Variants in SDC1 observed in about 807,000 individuals in gnomAD.
SDC1 encodes syndecan-1.
SDC1 carries 14 observed loss-of-function variants against 29.7 expected under a neutral mutation model. The observed-to-expected ratio is 0.47, with a 90% CI of 0.31 to 0.74. The LOEUF (loss-of-function observed/expected upper bound fraction) is 0.74, where lower values mean the gene tolerates loss of function less well. Ranked by LOEUF, SDC1 falls within the 30% of genes least tolerant of loss-of-function variation. The probability of loss-of-function intolerance (pLI) is 0.05; values close to 1 mark genes in which losing one functional copy is unlikely to be tolerated. For missense variants in SDC1, 406 were observed against 400.3 expected (o/e 1.01, Z -0.12); for synonymous variants, 204 against 175.5 (o/e 1.16, Z -1.29).
chr2:20,223,418 C>T (rs1417170141), intron 1 of SDC1: 1 of 545,504 alleles, frequency 1.8e-6, no homozygotes, highest in African/African-American at 2.0e-5. Flanking sequence ...CCCGCCCCCG[C>T]CCCTTCCCTG....
chr2:20,224,786 CGCCGGCCGCACTCACCGGCAGG>C lies in SDC1; in HGVS notation c.60_66+15del. 1 of 1,306,366 alleles carries C rather than the reference CGCCGGCCGCACTCACCGGCAGG, an allele frequency of 7.7e-7. No individual in the cohort carries two copies. The highest frequency in any genetic ancestry group is 9.7e-7 in the Non-Finnish European group (1 of 1,026,956). 80.9% of individuals were successfully genotyped at this position (1,306,366 alleles called of 1,614,324 possible). ...GCTTCCCGCCGCCTCCCCGCCTGGC[CGCCGGCCGCACTCACCGGCAGG>C]GCCGGCTGCAGGCTCAGCGCCAGCG... On this transcript the variant is annotated splice_donor_variant and splice_donor_5th_base_variant and coding_sequence_variant and intron_variant, in exon 1 of 5. Coordinates refer to ENST00000254351, the MANE Select transcript of SDC1 (RefSeq NM_002997.5). LOFTEE classifies it high-confidence loss of function. The surrounding 1 kb of genome is among the most constrained non-coding windows in gnomAD (Gnocchi z 4.9).
intron 2 of SDC1, among the ~76,000 whole-genome samples, chr2:20,204,625 C>T (rs1677191812): frequency 6.6e-6 from 1 of 152,036 alleles, no homozygotes; most frequent in Non-Finnish European, 1.5e-5. Context: ...CCTACTTATC[C>T]CAGGGCACAC....
Position 20,224,923 on chromosome 2 carries a change from C to G in SDC1, c.-56G>C, listed in dbSNP as rs1677943964. On this transcript the variant is annotated 5_prime_UTR_variant, in exon 1 of 5. Transcript: ENST00000254351. The surrounding 1 kb of genome is among the most constrained non-coding windows in gnomAD (Gnocchi z 4.9). Reference sequence around the variant, plus strand: ...GGCTGCGCGGGTCGCGGCTGCGGGCCGGCTTCGCGGGTTCCGCTGCTCGAT... The same window carrying G: ...GGCTGCGCGGGTCGCGGCTGCGGGCGGGCTTCGCGGGTTCCGCTGCTCGAT... The G allele has an allele frequency of 2.0e-5, 24 of 1,203,640 alleles. No individual in the cohort carries two copies. The East Asian group carries it at 8.0e-4, about 40-fold the overall frequency. 74.6% of individuals were successfully genotyped at this position (1,203,640 alleles called of 1,614,324 possible).
intron 1 of SDC1, among the ~76,000 whole-genome samples, chr2:20,215,679 G>T (rs1367252685): frequency 1.3e-5 from 2 of 152,236 alleles, no homozygotes; most frequent in African/African-American, 4.8e-5. Flanking sequence ...GCCCTCTGGG[G>T]CAGGATATGA....
intron 1 of SDC1, chr2:20,207,328 G>A (rs1285760061): frequency 1.3e-6 from 1 of 786,176 alleles, no homozygotes; most frequent in Admixed American, 6.2e-5. Flanking sequence ...ACCCTAGAAG[G>A]GCAATTCATA....
At position 20,215,370 on chromosome 2, in the gene SDC1, G is replaced by A. The variant is rs536702282; in HGVS notation, c.66+9432C>T. Among the ~76,000 whole-genome samples, 4 of 152,366 alleles carry A rather than the reference G, an allele frequency of 2.6e-5. No individual in the cohort carries two copies. The East Asian group carries it at 5.8e-4, about 22-fold the overall frequency. On this transcript the variant is annotated intron_variant, in intron 1 of 4. Transcript: ENST00000254351. ...GGCAACCCAGCCCGTACCTTCTCAG[G>A]TCAGGAGGCAGCCCCTGGCAGAGGC...
rs142105282 is a variant in SDC1 at position 20,202,324 on chromosome 2, G to A, written c.*442C>T. The A allele has an allele frequency of 1.0e-4, 79 of 775,240 alleles. 1 individual carries two copies. In the Middle Eastern group the frequency reaches 3.6e-3, roughly 36 times the overall value. 48.0% of individuals were successfully genotyped at this position (775,240 alleles called of 1,614,324 possible). ...GGACTCCTGTCCCCTGCCACTCAGCGGCCACCCCCCCAAGATGCTTGGTCC... is the reference window on the plus strand; with the variant it reads ...GGACTCCTGTCCCCTGCCACTCAGCAGCCACCCCCCCAAGATGCTTGGTCC... On this transcript the variant is annotated 3_prime_UTR_variant, in exon 5 of 5. Coordinates refer to ENST00000254351, the MANE Select transcript of SDC1 (RefSeq NM_002997.5).
chr2:20,202,335 C>CA lies in SDC1; in HGVS notation c.*430dup, dbSNP rs769605169. 5.2e-6 allele frequency: 4 copies of CA among 772,710 alleles called. No individual in the cohort carries two copies. The highest frequency in any genetic ancestry group is 9.6e-6 in the Non-Finnish European group (4 of 415,408). 47.9% of individuals were successfully genotyped at this position (772,710 alleles called of 1,614,324 possible). A position where few individuals can be genotyped will look rare whatever the true frequency, so the allele number is the denominator to read the frequency against. ...CCCTGCCACTCAGCGGCCACCCCCC[C>CA]AAGATGCTTGGTCCTACCAGTAAGT... On this transcript the variant is annotated 3_prime_UTR_variant, in exon 5 of 5. Transcript: ENST00000254351.
intron 1 of SDC1, among the ~76,000 whole-genome samples, chr2:20,223,634 C>T (rs1436264066): frequency 6.6e-6 from 1 of 152,156 alleles, no homozygotes; most frequent in Admixed American, 6.5e-5. Flanking sequence ...GCGGCAGACT[C>T]GGGCACCGGG....
chr2:20,205,734 C>T (rs887121179), intron 1 of SDC1, among the ~76,000 whole-genome samples: 26 of 152,288 alleles, frequency 1.7e-4, no homozygotes, highest in African/African-American at 6.3e-4. Context: ...GAAGGGCAGA[C>T]AGGGAGCTGT....
rs563192451 is a variant in SDC1, at chr2:20,209,351, T to G, written c.67-3927A>C. Among the ~76,000 whole-genome samples the G allele has an allele frequency of 1.2e-4, 19 of 152,282 alleles. 1 individual carries two copies. In the South Asian group the frequency reaches 3.9e-3, roughly 32 times the overall value. On this transcript the variant is annotated intron_variant, in intron 1 of 4. Transcript: ENST00000254351. The stretch of plus-strand genomic sequence containing the variant: ...GCCGCCCAGACACTACAACTCCCCG[T>G]GCAGCAGCACTGCTCTCCTCACCTG...
rs1677103451 is a variant in SDC1 at position 20,203,232 on chromosome 2, G to A, written c.628-10C>T. 3 of 1,597,446 alleles carry A rather than the reference G, an allele frequency of 1.9e-6. No homozygotes were observed. Among genetic ancestry groups the A allele is most frequent in the East Asian group, 2.3e-5 (1 of 44,400 alleles). ...TTTCAAAGGTGAAGTCCTGTGGGAG[G>A]GCAGGGGCAGATTGGGTTGGCCAGG... On this transcript the variant is annotated splice_polypyrimidine_tract_variant and intron_variant, in intron 3 of 4. Transcript: ENST00000254351.
rs1456969661 is a variant in SDC1 at position 20,223,319 on chromosome 2, G to A, written c.66+1483C>T. The A allele has an allele frequency of 3.1e-6, 4 of 1,288,212 alleles. No homozygotes were observed. The Middle Eastern group carries it at 6.4e-4, about 206-fold the overall frequency. 79.8% of individuals were successfully genotyped at this position (1,288,212 alleles called of 1,614,324 possible). ...AAACCAAAGCGCTCAATAACTGGCA[G>A]CTACTACACGAGGCAACGCTTACGG... On this transcript the variant is annotated intron_variant, in intron 1 of 4. Coordinates refer to ENST00000254351, the MANE Select transcript of SDC1 (RefSeq NM_002997.5).
intron 1 of SDC1, among the ~76,000 whole-genome samples, chr2:20,218,967 G>A (rs1278397148): frequency 6.6e-6 from 1 of 152,160 alleles, no homozygotes; most frequent in Non-Finnish European, 1.5e-5. Context: ...AGCCATAAAA[G>A]CCAGGAGGTC....
At chr2:20,204,750 G>A (rs1404688712) in intron 2 of SDC1, among the ~76,000 whole-genome samples, 1 of 152,088 alleles carries the variant, frequency 6.6e-6, no homozygotes. Flanking sequence ...CACTTCCCCA[G>A]GGATGACCTC....
rs1350616867 is a variant in SDC1 at position 20,202,906 on chromosome 2, T to C, written c.793A>G (p.Ile265Val). 2.5e-6 allele frequency: 4 copies of C among 1,612,942 alleles called. No homozygotes were observed. The highest frequency in any genetic ancestry group is 2.2e-5 in the East Asian group (1 of 44,864). Residue 265 changes from isoleucine (I) to valine (V), a missense_variant, in exon 5 of 5, where the codon ATC becomes GTC. Transcript: ENST00000254351. ...GVIAGGLVGL[I>V]FAVCLVGFML... ...AAACCCACCAGGCACACAGCAAAGA[T>C]GAGCCCCACGAGGCCTCCGGCAATG...
intron 1 of SDC1, among the ~76,000 whole-genome samples, chr2:20,215,425 C>G (rs1303205762): frequency 6.6e-6 from 1 of 152,240 alleles, no homozygotes; most frequent in Non-Finnish European, 1.5e-5. Flanking sequence ...GTCTAGCCTG[C>G]TAGTGAAGGC....
At position 20,202,097 on chromosome 2, in the gene SDC1, TAA is replaced by T. The variant is rs11350492; in HGVS notation, c.*667_*668del. The T allele has an allele frequency of 0.12, 52,176 of 451,834 alleles. 1 individual carries two copies. The highest frequency in any genetic ancestry group is 0.17 in the South Asian group (4,903 of 29,090). The allele number at this position is 451,834 out of a possible 1,614,324, so 28.0% of individuals were successfully genotyped here. On this transcript the variant is annotated 3_prime_UTR_variant, in exon 5 of 5. Coordinates refer to ENST00000254351, the MANE Select transcript of SDC1 (RefSeq NM_002997.5). ...GCTTCCAGATTTGGTTCTCCTAGTT[TAA>T]AAAAAAAAAAAAAAAGTCTTCTTAA...
At chr2:20,203,335 A>T in intron 3 of SDC1, 113 bp from the exon 4 acceptor site, 2 of 1,234,650 alleles carry the variant, frequency 1.6e-6, no homozygotes, top group Non-Finnish European at 2.2e-6. Context: ...GCCACCACCC[A>T]CTCAGATGCA....
Sources: allele counts gnomAD v4.1 joint callset (sites outside exome capture counted in the v4.1 genomes callset), GRCh38; gene constraint gnomAD v4.1.1; non-coding constraint Gnocchi (gnomAD v3.1); transcripts MANE v1.5; gene names NCBI Gene and HGNC (gene_info 2026-07-23, HGNC 2026-07-21).